The following TSEN2 variants were observed in gnomAD, a reference collection of about 807,000 sequenced individuals.
The protein encoded by TSEN2 is tRNA splicing endonuclease subunit 2, also known as tRNA-splicing endonuclease subunit Sen2.
Under a neutral mutation model 59.2 loss-of-function variants are expected in TSEN2, and 54 were observed. The ratio of observed to expected loss-of-function variants is 0.91; its 90% CI spans 0.73 to 1.14. TSEN2 has a LOEUF of 1.14. Ranked by LOEUF, TSEN2 falls within the 50% of genes most tolerant of loss-of-function variation. The probability of loss-of-function intolerance (pLI) is 0.00; values close to 1 mark genes in which losing one functional copy is unlikely to be tolerated. For missense variants in TSEN2, 636 were observed against 576.2 expected, an observed-to-expected ratio of 1.10 and a Z score of -1.06; for synonymous variants, 195 against 198.2, an observed-to-expected ratio of 0.98 and a Z score of 0.14.
intron 10 of TSEN2, chr3:12,539,012 G>A (rs1313353188): frequency 1.2e-5 from 4 of 339,494 alleles, no homozygotes; most frequent in Admixed American, 8.8e-5. Flanking sequence ...TGCTGGGCTC[G>A]TTTGTGCAAA....
chr3:12,521,700 G>A (rs1178337351), intron 8 of TSEN2, among the ~76,000 whole-genome samples: 1 of 151,880 alleles, frequency 6.6e-6, no homozygotes, highest in Non-Finnish European at 1.5e-5. Flanking sequence ...GCACAAGAGA[G>A]TAAGAGTCTC....
chr3:12,517,154 T>G (rs1202828689), intron 7 of TSEN2, among the ~76,000 whole-genome samples: 1 of 151,974 alleles, frequency 6.6e-6, no homozygotes, highest in Non-Finnish European at 1.5e-5. Context: ...GAGACCATCC[T>G]GGCTATCCTG....
chr3:12,499,683 T>A (rs1055888112), intron 4 of TSEN2, among the ~76,000 whole-genome samples: 4 of 152,122 alleles, frequency 2.6e-5, no homozygotes, highest in Non-Finnish European at 5.9e-5. Flanking sequence ...TTGATATGGG[T>A]GTGCACACCA....
At chr3:12,530,326 T>A in intron 10 of TSEN2, 1 of 987,754 alleles carries the variant, frequency 1.0e-6, no homozygotes, top group Middle Eastern at 5.2e-4. Context: ...GTTGTTATCC[T>A]CATCCTGAGG....
At chr3:12,530,229 T>C (rs1053173059) in intron 10 of TSEN2, 3 of 1,039,602 alleles carry the variant, frequency 2.9e-6, no homozygotes, top group African/African-American at 1.7e-5. Context: ...CATACACATA[T>C]TCACAAAGGA....
chr3:12,525,536 C>T (rs1294712008), intron 8 of TSEN2, among the ~76,000 whole-genome samples: 2 of 148,326 alleles, frequency 1.3e-5, no homozygotes, highest in South Asian at 2.1e-4. Flanking sequence ...CCTGTTCTTT[C>T]AGACCTTATT....
intron 1 of TSEN2, among the ~76,000 whole-genome samples, chr3:12,488,029 C>G (rs2052804581): frequency 6.6e-6 from 1 of 152,170 alleles, no homozygotes; most frequent in Non-Finnish European, 1.5e-5. Context: ...TCTAACTCCT[C>G]TTTAGTCTGT....
chr3:12,525,739 G>A (rs2931757), intron 8 of TSEN2, among the ~76,000 whole-genome samples: 151,612 of 151,614 alleles, frequency 1, 75,805 homozygotes, highest in Non-Finnish European at 1. Flanking sequence ...ATTATTTTGT[G>A]ATTTTAGTAG....
intron 1 of TSEN2, among the ~76,000 whole-genome samples, chr3:12,488,771 G>C (rs1413389966): frequency 6.6e-6 from 1 of 152,202 alleles, no homozygotes; most frequent in Non-Finnish European, 1.5e-5. Context: ...GTCTGATTTT[G>C]AGAAAGAGTC....
chr3:12,511,244 C>G (rs1443717128), intron 6 of TSEN2: 1 of 151,594 alleles, frequency 6.6e-6, no homozygotes, highest in Admixed American at 6.6e-5. Context: ...CACTTGAAAT[C>G]ATTAGAGTAG....
intron 8 of TSEN2, among the ~76,000 whole-genome samples, chr3:12,520,392 C>G (rs1037585101): frequency 6.6e-6 from 1 of 152,214 alleles, no homozygotes; most frequent in Non-Finnish European, 1.5e-5. Context: ...CAAAGCTGCA[C>G]TTTGAATTCT....
At chr3:12,519,235 T>G in intron 8 of TSEN2, 38 bp downstream of exon 8, 1 of 1,612,858 alleles carries the variant, frequency 6.2e-7, no homozygotes. Flanking sequence ...GAGAATAGAG[T>G]TTATATCAGA....
chr3:12,531,523 T>C (rs777050347), intron 10 of TSEN2, 47 bp from the exon 11 acceptor site: 2 of 1,320,710 alleles, frequency 1.5e-6, no homozygotes, highest in Admixed American at 3.4e-5. Flanking sequence ...CCCAAATTTG[T>C]ACTATTATTT....
intron 3 of TSEN2, among the ~76,000 whole-genome samples, chr3:12,493,456 C>T (rs113519606): frequency 1.5e-3 from 236 of 152,278 alleles, no homozygotes; most frequent in African/African-American, 5.2e-3. Flanking sequence ...CGGCCAGGCG[C>T]GGTAGCTCAC....
At chr3:12,511,394 C>T (rs2055441795) in intron 6 of TSEN2, among the ~76,000 whole-genome samples, 1 of 151,870 alleles carries the variant, frequency 6.6e-6, no homozygotes, top group Non-Finnish European at 1.5e-5. Context: ...TTTCAGGGTA[C>T]AATAAAAATA....
Position 12,509,636 on chromosome 3 carries a change from C to T in TSEN2, c.909+4405C>T, listed in dbSNP as rs371633272. On this transcript the variant is annotated intron_variant, in intron 6 of 11. Coordinates refer to ENST00000284995, the MANE Select transcript of TSEN2 (RefSeq NM_025265.4). ...TTAATAGGGGTGGTGCAGACCAGCT[C>T]ACTCATTCCCAGCAAGATTCCCACC... Among the ~76,000 whole-genome samples, 265 of 152,296 alleles carry T rather than the reference C, an allele frequency of 1.7e-3. 1 individual carries two copies. Among genetic ancestry groups the T allele is most frequent in the African/African-American group, 5.9e-3 (246 of 41,564 alleles).
chr3:12,481,751 G>C (rs1388753892), upstream of TSEN2, among the ~76,000 whole-genome samples: 2 of 152,154 alleles, frequency 1.3e-5, no homozygotes, highest in Admixed American at 1.3e-4. Flanking sequence ...TGATGAAAAT[G>C]CTGTGACCAG....
At chr3:12,518,832 C>G (rs2056379460) in intron 7 of TSEN2, among the ~76,000 whole-genome samples, 1 of 151,730 alleles carries the variant, frequency 6.6e-6, no homozygotes, top group African/African-American at 2.4e-5. Context: ...GACCTTCTTG[C>G]TAAATTGCTC....
intron 1 of TSEN2, among the ~76,000 whole-genome samples, chr3:12,486,391 G>A (rs2052616367): frequency 6.6e-6 from 1 of 152,216 alleles, no homozygotes; most frequent in African/African-American, 2.4e-5. Context: ...GAGATCATCT[G>A]ATTTGTCCTC....
Sources: allele counts gnomAD v4.1 joint callset (sites outside exome capture counted in the v4.1 genomes callset), GRCh38; gene constraint gnomAD v4.1.1; transcripts MANE v1.5; gene names NCBI Gene and HGNC (gene_info 2026-07-23, HGNC 2026-07-21).